PIEZO1: variants seen among roughly 807,000 people sequenced by gnomAD.
The protein encoded by PIEZO1 is piezo-type mechanosensitive ion channel component 1.
PIEZO1 carries 296 observed loss-of-function variants against 297.2 expected under a neutral mutation model. The observed-to-expected ratio is 1.00, with a 90% confidence interval of 0.91 to 1.10. The LOEUF is 1.10. PIEZO1 is among the 50% of genes least tolerant of loss of function. The pLI is 0.00. For synonymous variants in PIEZO1, 2,427 were observed against 1,507.5 expected (o/e 1.61, Z -14.13); for missense variants, 5,018 against 3,455.5 (o/e 1.45, Z -11.34).
chr16:88,734,509 C>G lies in PIEZO1; in HGVS notation c.2027G>C (p.Ser676Thr). 1.3e-5 allele frequency: 20 copies of G among 1,546,572 alleles called. No homozygotes were observed. The highest frequency in any genetic ancestry group is 1.7e-5 in the Non-Finnish European group (20 of 1,145,004). ...QLGDLGLEQFSVSELFSSILV... is the reference protein window; with the variant it reads ...QLGDLGLEQFTVSELFSSILV... ...GATGCTGGAGAAGAGCTCGGACACG[C>G]TGAACTGCTCCAGGCCCAGGTCCCC... Residue 676 changes from serine (S) to threonine (T), a missense_variant, in exon 16 of 51, where the codon AGC becomes ACC. Transcript: ENST00000301015.
chr16:88,762,440 C>G (rs1480677887), intron 1 of PIEZO1, among the ~76,000 whole-genome samples: 1 of 152,214 alleles, frequency 6.6e-6, no homozygotes, highest in African/African-American at 2.4e-5. Context: ...CACTGCCCTC[C>G]TGGATTCCTG....
At chr16:88,717,395 A>G (rs1303229649) in intron 44 of PIEZO1, 184 bp from the exon 45 acceptor site, 88 of 653,502 alleles carry the variant, frequency 1.3e-4, no homozygotes, top group East Asian at 3.9e-4. Flanking sequence ...TGGAACCCTC[A>G]TGTTCAGGGG....
rs78664197 is a variant in PIEZO1 at position 88,782,720 on chromosome 16, G to A, written c.64+2181C>T. On this transcript the variant is annotated intron_variant, in intron 1 of 50. Coordinates refer to ENST00000301015, the MANE Select transcript of PIEZO1 (RefSeq NM_001142864.4). ...CCAAAGCTCGCCAGAGAGGGAGGGG[G>A]CACTCCAAAGACAGCAAAGCCAGTG... Among the ~76,000 whole-genome samples, 618 of 152,354 alleles carry A rather than the reference G, an allele frequency of 4.1e-3. 5 individuals are homozygous for A. Among genetic ancestry groups the A allele is most frequent in the African/African-American group, 0.015 (605 of 41,592 alleles).
At chr16:88,761,872 G>T (rs1488107986) in intron 1 of PIEZO1, among the ~76,000 whole-genome samples, 1 of 152,168 alleles carries the variant, frequency 6.6e-6, no homozygotes, top group African/African-American at 2.4e-5. Flanking sequence ...AGGGATCTGG[G>T]ACTCATCCCT....
chr16:88,772,425 G>A (rs1833889792), intron 1 of PIEZO1, among the ~76,000 whole-genome samples: 1 of 152,174 alleles, frequency 6.6e-6, no homozygotes. Flanking sequence ...GAGGGCCCTG[G>A]GAGCCTGCAG....
intron 1 of PIEZO1, among the ~76,000 whole-genome samples, chr16:88,780,216 C>T (rs1344410382): frequency 6.6e-6 from 1 of 152,208 alleles, no homozygotes; most frequent in Non-Finnish European, 1.5e-5. Flanking sequence ...GAGGAGAAGC[C>T]TTCACCCCGG....
intron 17 of PIEZO1, 64 bp downstream of exon 17, chr16:88,733,842 C>A (rs1345942280): frequency 8.9e-6 from 13 of 1,459,382 alleles, no homozygotes; most frequent in African/African-American, 2.8e-5. Flanking sequence ...TCTGCCAACG[C>A]CCCCCGAGCT....
intron 8 of PIEZO1, 31 bp downstream of exon 8, chr16:88,737,903 A>C (rs1482142296): frequency 6.5e-7 from 1 of 1,530,766 alleles, no homozygotes; most frequent in Non-Finnish European, 8.7e-7. Flanking sequence ...GCCTGGCCTC[A>C]GCCCACCCAC....
At chr16:88,742,788 G>A (rs536195962) in intron 2 of PIEZO1, 388 of 342,630 alleles carry the variant, frequency 1.1e-3, no homozygotes, top group Non-Finnish European at 1.9e-3. Context: ...GGAGAGGCAA[G>A]AAGCTCCACC....
intron 3 of PIEZO1, 71 bp from the exon 4 acceptor site, chr16:88,742,166 G>A (rs1332439295): frequency 5.9e-5 from 90 of 1,522,962 alleles, no homozygotes; most frequent in Non-Finnish European, 7.7e-5. Flanking sequence ...CATCCCTGGA[G>A]CGTTTCACCT....
At position 88,733,465 on chromosome 16, in the gene PIEZO1, TGGG is replaced by T; in HGVS notation, c.2488-14_2488-12del. 5 of 1,540,966 alleles carry T rather than the reference TGGG, an allele frequency of 3.2e-6. No homozygotes were observed. The African/African-American group carries it at 4.1e-5, about 13-fold the overall frequency. On this transcript the variant is annotated splice_polypyrimidine_tract_variant and intron_variant, in intron 18 of 50. Transcript: ENST00000301015. ...GTTCATCACCGACACCTGAGGGCAG[TGGG>T]CACGTGGGGCTGGGCTTGGGGAGGG...
intron 1 of PIEZO1, among the ~76,000 whole-genome samples, chr16:88,778,738 G>A (rs771182938): frequency 3.3e-5 from 5 of 152,180 alleles, no homozygotes; most frequent in Non-Finnish European, 7.3e-5. Context: ...AAACATGAAC[G>A]TGAGCAAAAA....
chr16:88,783,270 G>A (rs1044577809), intron 1 of PIEZO1, among the ~76,000 whole-genome samples: 5 of 152,218 alleles, frequency 3.3e-5, no homozygotes, highest in African/African-American at 9.6e-5. Flanking sequence ...CCACAGAATC[G>A]GGCTCAACAC....
In PIEZO1 at chr16:88,732,277, G is replaced by A. The variant is rs574824426; in HGVS notation, c.2991+58C>T. On this transcript the variant is annotated intron_variant, in intron 21 of 50. Transcript: ENST00000301015. ...CTTGCGGTGCCTGCACGGTGCAGCC[G>A]TCCCTCCCTCCCGAAGGCCAAGCCC... is the stretch of plus-strand genomic sequence containing the variant. 83 of 1,435,180 alleles carry A rather than the reference G, an allele frequency of 5.8e-5. 1 individual carries two copies. The highest frequency in any genetic ancestry group is 5.2e-4 in the Middle Eastern group (3 of 5,770). The allele number at this position is 1,435,180 out of a possible 1,614,324, so 88.9% of individuals were successfully genotyped here.
chr16:88,715,697 C>G lies in PIEZO1; in HGVS notation c.7474G>C (p.Glu2492Gln), dbSNP rs1597438318. The stretch of plus-strand genomic sequence containing the variant: ...TACAACTCCTCCTCCAGCTCCAGCT[C>G]CCGAGTCTCCCGCACCAGGAAGATG... Reference protein sequence around the residue: ...QDIFLVRETRELELEEELYAK... With the variant: ...QDIFLVRETRQLELEEELYAK... Residue 2492 changes from glutamate (E) to glutamine (Q), a missense_variant, in exon 51 of 51, where the codon GAG becomes CAG. Transcript: ENST00000301015. The G allele has an allele frequency of 1.3e-6, 2 of 1,550,424 alleles. No individual in the cohort carries two copies. Among genetic ancestry groups the G allele is most frequent in the Non-Finnish European group, 1.7e-6 (2 of 1,146,966 alleles).
rs1158333006 is a variant in PIEZO1, at chr16:88,725,200, G to A, written c.4163-120C>T. 6 of 776,514 alleles carry A rather than the reference G, an allele frequency of 7.7e-6. No individual in the cohort carries two copies. The Admixed American group carries it at 1.3e-4, about 17-fold the overall frequency. 48.1% of individuals were successfully genotyped at this position (776,514 alleles called of 1,614,324 possible). On this transcript the variant is annotated intron_variant, in intron 29 of 50. Transcript: ENST00000301015. ...GACAGACACGGACACCCACAGTGAC[G>A]GGGGCCGTGTGGGGCCATGGGGCTC...
Position 88,715,845 on chromosome 16 carries a change from C to A in PIEZO1, c.7326G>T (p.Gly2442=). The A allele has an allele frequency of 6.5e-7, 1 of 1,549,800 alleles. No individual in the cohort carries two copies. The highest frequency in any genetic ancestry group is 8.7e-7 in the Non-Finnish European group (1 of 1,146,624). The stretch of plus-strand genomic sequence containing the variant: ...TGACCAGCACGATGGACACGTACAG[C>A]CCCATGATGCTGCGGGGGAAGCTGG... The part of the protein sequence containing the change: ...LGFLAGYGIM[G]LYVSIVLVIG... Residue 2442 remains glycine, a synonymous_variant, in exon 51 of 51, where the codon GGG becomes GGT. Coordinates refer to ENST00000301015, the MANE Select transcript of PIEZO1 (RefSeq NM_001142864.4).
At chr16:88,743,242 C>G (rs1473021713) in intron 2 of PIEZO1, 2 of 456,460 alleles carry the variant, frequency 4.4e-6, no homozygotes, top group Non-Finnish European at 8.8e-6. Flanking sequence ...CCTGGCTTCA[C>G]CTCTGCTCTC....
At chr16:88,758,958 G>T (rs978912390) in intron 1 of PIEZO1, among the ~76,000 whole-genome samples, 6 of 152,006 alleles carry the variant, frequency 3.9e-5, no homozygotes, top group African/African-American at 1.5e-4. Context: ...GTCTAGGATG[G>T]ACAAAAAGGC....
Sources: gnomAD v4.1 joint callset for allele counts (sites outside exome capture counted in the v4.1 genomes callset) on GRCh38, gnomAD v4.1.1 for gene constraint, MANE v1.5 for transcripts, NCBI Gene and HGNC (gene_info 2026-07-23, HGNC 2026-07-21) for gene names.